Variants in BAZ2B observed in about 807,000 individuals in gnomAD.
BAZ2B encodes the protein bromodomain adjacent to zinc finger domain 2B.
In BAZ2B, 91 loss-of-function variants were observed where a neutral mutation model predicts 246.0. That is an observed-to-expected ratio of 0.37 (90% CI 0.31 to 0.44). The LOEUF is 0.44. Ranked by LOEUF, BAZ2B falls within the 20% of genes least tolerant of loss-of-function variation. The probability of loss-of-function intolerance (pLI) is 1.00; values close to 1 mark genes in which losing one functional copy is unlikely to be tolerated. For synonymous variants in BAZ2B, 855 were observed against 860.0 expected (o/e 0.99, Z 0.10); for missense variants, 2,332 against 2,533.7 (o/e 0.92, Z 1.71).
At chr2:159,425,189 G>A (rs1222497288) in intron 13 of BAZ2B, among the ~76,000 whole-genome samples, 1 of 152,018 alleles carries the variant, frequency 6.6e-6, no homozygotes, top group Non-Finnish European at 1.5e-5. Context: ...TTTTTCTGTT[G>A]TTGTTTTTTT....
chr2:159,449,452 T>C (rs2074732750), intron 4 of BAZ2B, among the ~76,000 whole-genome samples: 1 of 152,158 alleles, frequency 6.6e-6, no homozygotes, highest in Non-Finnish European at 1.5e-5. Context: ...TTGTCAGTCT[T>C]TATATTATAT....
chr2:159,447,027 TA>T (rs2074353087), intron 5 of BAZ2B, 52 bp from the exon 6 acceptor site: 1 of 1,330,516 alleles, frequency 7.5e-7, no homozygotes, highest in Admixed American at 2.7e-5. Flanking sequence ...TTGCATCATT[TA>T]AAAATGAAGT....
At chr2:159,315,638 C>T (rs953107396), downstream of BAZ2B, among the ~76,000 whole-genome samples, 1 of 152,154 alleles carries the variant, frequency 6.6e-6, no homozygotes, top group African/African-American at 2.4e-5. Flanking sequence ...TATTTTATGA[C>T]TTAGTCTGGG....
At chr2:159,539,994 G>A (rs2086470513) in intron 2 of BAZ2B, among the ~76,000 whole-genome samples, 1 of 152,082 alleles carries the variant, frequency 6.6e-6, no homozygotes. Context: ...CTGACTACCT[G>A]TATATGCTAT....
At chr2:159,327,615 A>T (rs968618713) in intron 34 of BAZ2B, among the ~76,000 whole-genome samples, 1 of 152,228 alleles carries the variant, frequency 6.6e-6, no homozygotes, top group African/African-American at 2.4e-5. Context: ...TAATATAATG[A>T]AGAAAAAGTC....
chr2:159,415,189 A>T (rs1489464451), intron 13 of BAZ2B, among the ~76,000 whole-genome samples: 1 of 152,030 alleles, frequency 6.6e-6, no homozygotes, highest in Admixed American at 6.6e-5. Flanking sequence ...GCTCATGCCT[A>T]TAACACCAGC....
chr2:159,517,159 A>T (rs1006892283), intron 2 of BAZ2B, among the ~76,000 whole-genome samples: 8 of 152,140 alleles, frequency 5.3e-5, no homozygotes, highest in Non-Finnish European at 1.2e-4. Context: ...AAAAATTCCT[A>T]TGATCAGAAA....
chr2:159,658,723 T>G, the BAZ2B span, among the ~76,000 whole-genome samples: 1 of 152,180 alleles, frequency 6.6e-6, no homozygotes, highest in Non-Finnish European at 1.5e-5. Flanking sequence ...TTTACCATGT[T>G]GCCCAGGCTG....
At chr2:159,633,510 A>G in the BAZ2B span, among the ~76,000 whole-genome samples, 1 of 152,086 alleles carries the variant, frequency 6.6e-6, no homozygotes, top group African/African-American at 2.4e-5. Context: ...AAAATTCATA[A>G]TAGTTTAGCC....
chr2:159,468,262 G>GC (rs2077332951), intron 3 of BAZ2B, among the ~76,000 whole-genome samples: 1 of 152,066 alleles, frequency 6.6e-6, no homozygotes, highest in Admixed American at 6.6e-5. Flanking sequence ...ACAGCACTGA[G>GC]CCCAAAGCAG....
chr2:159,460,350 C>CA (rs1207394150), intron 3 of BAZ2B: 2 of 152,016 alleles, frequency 1.3e-5, no homozygotes, highest in Non-Finnish European at 2.9e-5. Flanking sequence ...GTCCAGAAAG[C>CA]AAATAAAACA....
chr2:159,528,703 G>C (rs1485745883), intron 2 of BAZ2B, among the ~76,000 whole-genome samples: 1 of 150,468 alleles, frequency 6.6e-6, no homozygotes, highest in Non-Finnish European at 1.5e-5. Context: ...AAAAAGAATA[G>C]TAGAGAAGTT....
At position 159,386,558 on chromosome 2, in the gene BAZ2B, G is replaced by A. The variant is rs1366063943; in HGVS notation, c.3266C>T (p.Thr1089Ile). ...RIPGLVLSGS[T>I]FSDCLMVVQF... is the part of the protein sequence containing the mutation. The stretch of plus-strand genomic sequence containing the variant: ...CACCACCATGAGACAGTCTGAAAAT[G>A]TACTTCCAGAGAGAACAAGTCCTGG... Residue 1089 changes from threonine to isoleucine, a missense_variant, in exon 22 of 37, where the codon ACA (threonine) becomes ATA (isoleucine). Coordinates refer to ENST00000392783, the MANE Select transcript of BAZ2B (RefSeq NM_013450.4). 9 of 1,613,168 alleles carry A rather than the reference G, an allele frequency of 5.6e-6. No individual in the cohort carries two copies.
the BAZ2B span, among the ~76,000 whole-genome samples, chr2:159,628,326 T>C: frequency 6.6e-6 from 1 of 152,142 alleles, no homozygotes; most frequent in African/African-American, 2.4e-5. Flanking sequence ...CTACTTTAAA[T>C]TTCATATGGA....
At chr2:159,420,417 GA>G (rs1559350292) in intron 13 of BAZ2B, among the ~76,000 whole-genome samples, 1 of 152,000 alleles carries the variant, frequency 6.6e-6, no homozygotes, top group Non-Finnish European at 1.5e-5. Context: ...ACATCTCGAA[GA>G]AAAAAAGCAA....
chr2:159,455,762 G>GTTTT (rs759816186), intron 3 of BAZ2B, among the ~76,000 whole-genome samples: 4,549 of 95,918 alleles, frequency 0.047, 293 homozygotes, highest in Non-Finnish European at 0.075. Context: ...GAAATATTGT[G>GTTTT]GTTTTTTTTT....
chr2:159,552,991 T>C (rs1401389209), intron 2 of BAZ2B, among the ~76,000 whole-genome samples: 1 of 152,032 alleles, frequency 6.6e-6, no homozygotes, highest in Non-Finnish European at 1.5e-5. Flanking sequence ...ATATTCTAGG[T>C]AAAGGGAATA....
intron 21 of BAZ2B, among the ~76,000 whole-genome samples, chr2:159,389,104 A>G (rs1006751314): frequency 6.6e-6 from 1 of 150,488 alleles, no homozygotes; most frequent in African/African-American, 2.4e-5. Context: ...CAACCAACCA[A>G]CCAACCAACC....
intron 1 of BAZ2B, among the ~76,000 whole-genome samples, chr2:159,556,391 A>C (rs906314754): frequency 4.2e-5 from 6 of 141,454 alleles, no homozygotes; most frequent in African/African-American, 1.9e-4. Flanking sequence ...GGAAGAATTT[A>C]GAACAGGAAA....
Sources: gnomAD v4.1 joint callset for allele counts (sites outside exome capture counted in the v4.1 genomes callset) on GRCh38, gnomAD v4.1.1 for gene constraint, MANE v1.5 for transcripts, NCBI Gene and HGNC (gene_info 2026-07-23, HGNC 2026-07-21) for gene names.